TBXAS1: variants seen among roughly 807,000 people sequenced by gnomAD.
TBXAS1 encodes the protein thromboxane-A synthase.
Under a neutral mutation model 60.7 loss-of-function variants are expected in TBXAS1, and 48 were observed. The observed-to-expected ratio is 0.79, with a 90% CI of 0.63 to 1.01. The LOEUF (loss-of-function observed/expected upper bound fraction) is 1.01. Ranked by LOEUF, TBXAS1 falls within the 50% of genes least tolerant of loss-of-function variation. The pLI is 0.00. For missense variants in TBXAS1, 685 were observed against 686.3 expected (o/e 1.00, Z 0.02); for synonymous variants, 287 against 269.7 (o/e 1.06, Z -0.63).
chr7:139,841,523 T>C (rs1025224662), intron 1 of TBXAS1, among the ~76,000 whole-genome samples: 4 of 151,776 alleles, frequency 2.6e-5, no homozygotes, highest in Non-Finnish European at 1.5e-5. Flanking sequence ...GTCTAGGATA[T>C]GATGGGTACT....
chr7:139,903,008 A>C (rs1804696976), intron 3 of TBXAS1, among the ~76,000 whole-genome samples: 1 of 152,046 alleles, frequency 6.6e-6, no homozygotes, highest in African/African-American at 2.4e-5. Context: ...TAAGTTCTTT[A>C]GTGGTGATTT....
chr7:139,955,694 G>A, intron 7 of TBXAS1, 87 bp downstream of exon 7: 1 of 1,582,538 alleles, frequency 6.3e-7, no homozygotes, highest in South Asian at 1.1e-5. Context: ...CTGGGGCTCT[G>A]TCCCTGCCAC....
intron 9 of TBXAS1, among the ~76,000 whole-genome samples, chr7:139,976,726 G>A (rs1364759103): frequency 1.3e-5 from 2 of 152,112 alleles, no homozygotes; most frequent in Non-Finnish European, 2.9e-5. Flanking sequence ...TGAGGCCTGG[G>A]CTTCTTAGAA....
rs1814802532 is a variant in TBXAS1 at position 140,013,782 on chromosome 7, GC to G, written c.1227-1940del. ...GCTTGACCAGGCAAACCTGGAGACT[GC>G]ATCAACACCAGCAGCCTCCAACACA... On this transcript the variant is annotated intron_variant, in intron 10 of 12. Transcript: ENST00000448866. The surrounding 1 kb of genome is among the most constrained non-coding windows in gnomAD (Gnocchi z 4.2). 6.6e-6 allele frequency among the ~76,000 whole-genome samples: 1 copy of G among 152,238 alleles called. No homozygotes were observed. Among genetic ancestry groups the G allele is most frequent in the Non-Finnish European group, 1.5e-5 (1 of 68,046 alleles).
At chr7:139,953,548 G>A in intron 6 of TBXAS1, 92 bp downstream of exon 6, 1 of 1,237,554 alleles carries the variant, frequency 8.1e-7, no homozygotes, top group South Asian at 1.2e-5. Context: ...CTTGGGACTA[G>A]CAAACTGTGG....
chr7:140,006,332 G>T (rs1814074202), intron 9 of TBXAS1, among the ~76,000 whole-genome samples: 1 of 152,170 alleles, frequency 6.6e-6, no homozygotes, highest in Non-Finnish European at 1.5e-5. Context: ...GCCAAAGATG[G>T]GGAGCCAGGG....
chr7:139,849,171 A>G (rs917146), intron 1 of TBXAS1, among the ~76,000 whole-genome samples: 1 of 151,982 alleles, frequency 6.6e-6, no homozygotes, highest in African/African-American at 2.4e-5. Context: ...GAGCACAGGA[A>G]TTCTCGAGAC....
At chr7:139,915,358 C>T (rs1472318671) in intron 4 of TBXAS1, among the ~76,000 whole-genome samples, 1 of 152,192 alleles carries the variant, frequency 6.6e-6, no homozygotes, top group Non-Finnish European at 1.5e-5. Context: ...GCCATGTTTA[C>T]TTAAGCGTTC....
intron 1 of TBXAS1, among the ~76,000 whole-genome samples, chr7:139,862,512 A>C (rs1413456742): frequency 2.6e-5 from 4 of 152,174 alleles, no homozygotes; most frequent in African/African-American, 9.7e-5. Context: ...GACTAAGGGC[A>C]CAGAAGGGGA....
chr7:139,874,395 C>T (rs1330420996), intron 2 of TBXAS1, among the ~76,000 whole-genome samples: 15 of 152,196 alleles, frequency 9.9e-5, no homozygotes, highest in Admixed American at 9.8e-4. Flanking sequence ...GCTGTGCTCC[C>T]GCCTCTGGAG....
chr7:139,880,101 C>G (rs763822887), intron 3 of TBXAS1, among the ~76,000 whole-genome samples: 1 of 152,148 alleles, frequency 6.6e-6, no homozygotes, highest in Non-Finnish European at 1.5e-5. Context: ...CCAGGCTGGT[C>G]TCAACTCCTG....
chr7:139,987,479 C>A (rs1386108332), intron 9 of TBXAS1, among the ~76,000 whole-genome samples: 1 of 152,128 alleles, frequency 6.6e-6, no homozygotes, highest in Non-Finnish European at 1.5e-5. Context: ...CTGGACGTGG[C>A]CCTTTGGTTT....
At position 139,970,369 on chromosome 7, in the gene TBXAS1, A is replaced by G. The variant is rs571294855; in HGVS notation, c.1134+8136A>G. Among the ~76,000 whole-genome samples, 7 of 152,290 alleles carry G rather than the reference A, an allele frequency of 4.6e-5. No individual in the cohort carries two copies. The South Asian group carries it at 1.2e-3, about 27-fold the overall frequency. ...TGATCTGCCCGCCTCGGCCTCCCAA[A>G]GTGCTGGGATTACAGGCGTGAGCCA... On this transcript the variant is annotated intron_variant, in intron 9 of 12. Transcript: ENST00000448866.
rs149394107 is a variant in TBXAS1 at position 139,786,941 on chromosome 7, C to T, written c.-168-397C>T. ...GATGTCTTGCAAGTAAGGAAGTAAA[C>T]TGGCTTTGGAACCACTGACCTCCAG... On this transcript the variant is annotated intron_variant, in intron 3 of 16. Coordinates refer to the TBXAS1 transcript ENST00000336425. 1.5e-4 allele frequency among the ~76,000 whole-genome samples: 23 copies of T among 152,304 alleles called. No homozygotes were observed. In the East Asian group the frequency reaches 4.4e-3, roughly 29 times the overall value.
intron 4 of TBXAS1, among the ~76,000 whole-genome samples, chr7:139,804,055 TC>T (rs565752210): frequency 7.9e-5 from 12 of 152,168 alleles, no homozygotes; most frequent in Middle Eastern, 3.4e-3. Flanking sequence ...GAATGGTAGA[TC>T]CACTGACAGC....
At chr7:139,929,643 G>A (rs927739459) in intron 4 of TBXAS1, among the ~76,000 whole-genome samples, 5 of 152,202 alleles carry the variant, frequency 3.3e-5, no homozygotes, top group Admixed American at 1.3e-4. Flanking sequence ...TGTATTAACT[G>A]CATTCATCAT....
upstream of TBXAS1, chr7:139,778,257 C>G (rs1447371430): frequency 6.6e-6 from 1 of 151,924 alleles, no homozygotes; most frequent in Non-Finnish European, 1.5e-5. The surrounding 1 kb of genome is among the most constrained non-coding windows in gnomAD (Gnocchi z 4.8). Context: ...AGAGGGCCGG[C>G]CTGGACCCGG....
chr7:139,847,940 G>A (rs1468133753), intron 1 of TBXAS1, among the ~76,000 whole-genome samples: 1 of 152,084 alleles, frequency 6.6e-6, no homozygotes, highest in Non-Finnish European at 1.5e-5. Context: ...TTTCACCTCA[G>A]CCTCTCAAGT....
chr7:139,860,920 T>C (rs1332491371), intron 1 of TBXAS1, among the ~76,000 whole-genome samples: 1 of 152,216 alleles, frequency 6.6e-6, no homozygotes, highest in Non-Finnish European at 1.5e-5. Flanking sequence ...ATGCCTGTAA[T>C]CCCGGCACTT....
Sources: allele counts gnomAD v4.1 joint callset (sites outside exome capture counted in the v4.1 genomes callset), GRCh38; gene constraint gnomAD v4.1.1; non-coding constraint Gnocchi (gnomAD v3.1); transcripts MANE v1.5; gene names NCBI Gene and HGNC (gene_info 2026-07-23, HGNC 2026-07-21).